Variants in NR2F1-AS1 observed in about 807,000 individuals in gnomAD.
The protein encoded by NR2F1-AS1 is NR2F1 regulatory antisense RNA 1, also known as NR2F1 antisense RNA 1.
At chr5:93,542,162 T>C (rs1356568094) in intron 4 of NR2F1-AS1, 1 of 149,416 alleles carries the variant, frequency 6.7e-6, no homozygotes, top group East Asian at 2.0e-4. Flanking sequence ...TTGATAGTAA[T>C]ACTCATGAAG....
chr5:93,528,609 T>C (rs537482180), intron 4 of NR2F1-AS1, among the ~76,000 whole-genome samples: 4 of 152,348 alleles, frequency 2.6e-5, no homozygotes, highest in South Asian at 2.1e-4. Flanking sequence ...CATATGTTTA[T>C]CGCAGCACTA....
Position 93,459,009 on chromosome 5 carries a change from C to T in NR2F1-AS1, n.639-63467G>A, listed in dbSNP as rs532643378. ...CCTGAGCGACAGAGTGAGACTTCAT[C>T]TCAAAAAAGAAAAAAAAAGAAAATA... On this transcript the variant is annotated intron_variant and non_coding_transcript_variant, in intron 4 of 5. Transcript: ENST00000660523. Among the ~76,000 whole-genome samples, 14 of 151,414 alleles carry T rather than the reference C, an allele frequency of 9.2e-5. No homozygotes were observed. In the South Asian group the frequency reaches 2.7e-3, roughly 29 times the overall value.
rs528446309 is a variant in NR2F1-AS1 at position 93,414,923 on chromosome 5, G to C, written n.639-19381C>G. On this transcript the variant is annotated intron_variant and non_coding_transcript_variant, in intron 4 of 5. Coordinates refer to ENST00000660523, the Ensembl canonical transcript of NR2F1-AS1. ...TAAACTGTTGCAGTTAAAAAAAAAA[G>C]TTAGGAGTACAACCTCCAAGGAATG... is the stretch of plus-strand genomic sequence containing the variant. Among the ~76,000 whole-genome samples, 119 of 152,074 alleles carry C rather than the reference G, an allele frequency of 7.8e-4. 2 individuals are homozygous for C. The highest frequency in any genetic ancestry group is 2.4e-3 in the Admixed American group (36 of 15,278).
intron 4 of NR2F1-AS1, among the ~76,000 whole-genome samples, chr5:93,415,895 G>A (rs537519588): frequency 6.6e-6 from 1 of 152,332 alleles, no homozygotes; most frequent in East Asian, 1.9e-4. Flanking sequence ...ATGGATGAGA[G>A]TTTTCAGGAA....
chr5:93,491,447 C>G (rs1190344004), intron 4 of NR2F1-AS1, among the ~76,000 whole-genome samples: 1 of 150,926 alleles, frequency 6.6e-6, no homozygotes, highest in East Asian at 1.9e-4. Context: ...TTCTGGAAAC[C>G]AAAATTTTTT....
intron 4 of NR2F1-AS1, among the ~76,000 whole-genome samples, chr5:93,485,179 T>C (rs1429817930): frequency 1.3e-5 from 2 of 152,092 alleles, no homozygotes; most frequent in African/African-American, 2.4e-5. Flanking sequence ...CAGCACCACA[T>C]TGCACTTATT....
chr5:93,498,878 T>C (rs1474973863), intron 4 of NR2F1-AS1, among the ~76,000 whole-genome samples: 1 of 152,196 alleles, frequency 6.6e-6, no homozygotes, highest in Non-Finnish European at 1.5e-5. Flanking sequence ...AAAGAATTTA[T>C]ATTCACCATA....
intron 4 of NR2F1-AS1, among the ~76,000 whole-genome samples, chr5:93,526,782 G>A (rs565139373): frequency 3.3e-5 from 5 of 152,178 alleles, no homozygotes; most frequent in South Asian, 2.1e-4. Context: ...AAAGGCCTTC[G>A]ATAAAATTTA....
At chr5:93,449,525 T>C (rs985806925) in intron 4 of NR2F1-AS1, among the ~76,000 whole-genome samples, 2 of 152,162 alleles carry the variant, frequency 1.3e-5, no homozygotes, top group African/African-American at 4.8e-5. Flanking sequence ...CTTCTTACAT[T>C]TTTACTAAAC....
chr5:93,516,613 C>T lies in NR2F1-AS1; in HGVS notation n.638+37148G>A, dbSNP rs1014219798. ...GTTAGCCCTATTTTACAAACGAGAACATTAATGGCCAAAAAAGTTAAGTGA... is the reference window on the plus strand; with the variant it reads ...GTTAGCCCTATTTTACAAACGAGAATATTAATGGCCAAAAAAGTTAAGTGA... On this transcript the variant is annotated intron_variant and non_coding_transcript_variant, in intron 4 of 5. Coordinates refer to ENST00000660523, the Ensembl canonical transcript of NR2F1-AS1. Among the ~76,000 whole-genome samples the T allele has an allele frequency of 7.9e-5, 12 of 151,880 alleles. No homozygotes were observed. The South Asian group carries it at 1.0e-3, about 13-fold the overall frequency.
intron 1 of NR2F1-AS1, among the ~76,000 whole-genome samples, chr5:93,566,882 C>T (rs1236023541): frequency 6.6e-6 from 1 of 151,834 alleles, no homozygotes; most frequent in Non-Finnish European, 1.5e-5. Flanking sequence ...TATGTTAAAA[C>T]ATTATAGAGT....
intron 2 of NR2F1-AS1, among the ~76,000 whole-genome samples, chr5:93,556,372 G>C (rs758012814): frequency 6.6e-6 from 1 of 152,102 alleles, no homozygotes; most frequent in Non-Finnish European, 1.5e-5. Flanking sequence ...ATGGACATAC[G>C]CACATATCAT....
chr5:93,554,446 TC>T (rs1752303229), intron 3 of NR2F1-AS1, among the ~76,000 whole-genome samples: 1 of 152,186 alleles, frequency 6.6e-6, no homozygotes, highest in Non-Finnish European at 1.5e-5. Flanking sequence ...TTCTACTGAC[TC>T]CTGATATGGA....
intron 4 of NR2F1-AS1, among the ~76,000 whole-genome samples, chr5:93,490,361 A>G (rs1038237506): frequency 6.6e-6 from 1 of 152,224 alleles, no homozygotes; most frequent in Admixed American, 6.5e-5. Flanking sequence ...AAACTTTTAG[A>G]AACAAGCCAG....
At chr5:93,525,399 C>T (rs778831077) in intron 4 of NR2F1-AS1, among the ~76,000 whole-genome samples, 1 of 152,004 alleles carries the variant, frequency 6.6e-6, no homozygotes, top group African/African-American at 2.4e-5. Flanking sequence ...TACACTCCCA[C>T]ACAATAATAG....
rs1245416529 is a variant in NR2F1-AS1 at position 93,577,096 on chromosome 5, C to CT, written n.313+3370dup. ...AAGAATGATTGTCACTTTTCCTCCT[C>CT]TAAAAAGGCTCGATTTGCATCCAAA... On this transcript the variant is annotated intron_variant and non_coding_transcript_variant, in intron 1 of 5. Transcript: ENST00000660523. Among the ~76,000 whole-genome samples the CT allele has an allele frequency of 2.0e-5, 3 of 152,358 alleles. No homozygotes were observed. The East Asian group carries it at 5.8e-4, about 29-fold the overall frequency.
chr5:93,456,974 G>A (rs776556826), intron 4 of NR2F1-AS1, among the ~76,000 whole-genome samples: 1 of 152,106 alleles, frequency 6.6e-6, no homozygotes, highest in Non-Finnish European at 1.5e-5. Flanking sequence ...GCCTATTGCC[G>A]CCAGCATGTC....
At chr5:93,434,406 AC>A (rs1014069811) in intron 4 of NR2F1-AS1, among the ~76,000 whole-genome samples, 1 of 152,120 alleles carries the variant, frequency 6.6e-6, no homozygotes, top group Non-Finnish European at 1.5e-5. Flanking sequence ...TTTGTGTTTG[AC>A]CCACATTGTT....
chr5:93,483,799 A>C (rs999407586), intron 4 of NR2F1-AS1, among the ~76,000 whole-genome samples: 1 of 152,228 alleles, frequency 6.6e-6, no homozygotes, highest in African/African-American at 2.4e-5. Context: ...AACTTCGTGA[A>C]GCTTACACAA....
Sources: gnomAD v4.1 joint callset for allele counts (sites outside exome capture counted in the v4.1 genomes callset) on GRCh38, gnomAD v4.1.1 for gene constraint, MANE v1.5 for transcripts, NCBI Gene and HGNC (gene_info 2026-07-23, HGNC 2026-07-21) for gene names.